The following PHF8 variants were observed in gnomAD, a reference collection of about 807,000 sequenced individuals.
PHF8 encodes the protein PHD finger protein 8.
A neutral mutation model predicts 74.4 loss-of-function variants in PHF8; 9 were observed. The ratio of observed to expected loss-of-function variants is 0.12; its 90% CI spans 0.07 to 0.21. PHF8 has a LOEUF of 0.21. PHF8 is among the 10% of genes least tolerant of loss of function. The probability of loss-of-function intolerance (pLI) is 1.00; values close to 1 mark genes in which losing one functional copy is unlikely to be tolerated. For synonymous variants in PHF8, 311 were observed against 316.6 expected, an observed-to-expected ratio of 0.98 and a Z score of 0.19; for missense variants, 478 against 816.6, an observed-to-expected ratio of 0.59 and a Z score of 5.05.
intron 2 of PHF8, among the ~76,000 whole-genome samples, chrX:54,034,205 A>G (rs145788341): frequency 2.3e-4 from 26 of 111,900 alleles, no homozygotes; most frequent in African/African-American, 8.1e-4. Flanking sequence ...GGACTACAAC[A>G]AAAGACAAAC....
intron 2 of PHF8, among the ~76,000 whole-genome samples, chrX:54,035,977 G>A (rs2066446290): frequency 9.1e-6 from 1 of 109,713 alleles, no homozygotes; most frequent in Admixed American, 9.8e-5. Context: ...TGGGCGTGGT[G>A]GCACATGCCT....
chrX:53,970,584 T>C (rs2065277107), intron 18 of PHF8, among the ~76,000 whole-genome samples: 2 of 111,587 alleles, frequency 1.8e-5, no homozygotes, highest in African/African-American at 3.3e-5. Context: ...CCCATCAGTA[T>C]GCTGTCTTCA....
chrX:53,968,015 GACCT>G (rs1557093537), intron 18 of PHF8, among the ~76,000 whole-genome samples: 1 of 103,260 alleles, frequency 9.7e-6, no homozygotes, highest in Non-Finnish European at 1.9e-5. Flanking sequence ...GAAAACCAGA[GACCT>G]TTGTTCACTT....
chrX:53,939,324 C>T, intron 21 of PHF8, 78 bp from the exon 22 acceptor site: 1 of 794,147 alleles, frequency 1.3e-6, no homozygotes, highest in Non-Finnish European at 1.9e-6. Context: ...GCCCTCAGGC[C>T]ACCTCCCCTT....
At chrX:53,945,407 G>A (rs868946916) in intron 19 of PHF8, among the ~76,000 whole-genome samples, 29 of 109,002 alleles carry the variant, frequency 2.7e-4, no homozygotes, top group African/African-American at 9.3e-4. Context: ...CTGCTCAGGA[G>A]GCTGAGGCAT....
chrX:54,036,452 A>G (rs2066457256), intron 2 of PHF8, among the ~76,000 whole-genome samples: 1 of 107,751 alleles, frequency 9.3e-6, no homozygotes, highest in Non-Finnish European at 1.9e-5. Flanking sequence ...TTTCAAGGGG[A>G]ATTTAAAAAT....
chrX:53,944,731 A>G (rs781835576), intron 19 of PHF8, among the ~76,000 whole-genome samples: 5 of 112,347 alleles, frequency 4.5e-5, no homozygotes, highest in Non-Finnish European at 7.5e-5. Context: ...AAATAGAACA[A>G]TAAGCCAGGC....
chrX:53,981,703 C>A (rs2065482155), intron 18 of PHF8, among the ~76,000 whole-genome samples: 1 of 111,743 alleles, frequency 8.9e-6, no homozygotes, highest in African/African-American at 3.3e-5. Flanking sequence ...GGTACAAATG[C>A]CATTGGGCTC....
chrX:54,024,978 G>A (rs781982419), intron 2 of PHF8, among the ~76,000 whole-genome samples: 20 of 110,707 alleles, frequency 1.8e-4, no homozygotes, highest in Admixed American at 7.7e-4. Context: ...CTGGGTTCAC[G>A]CCATTCTCCT....
At chrX:53,956,840 T>A (rs1358159084) in intron 19 of PHF8, among the ~76,000 whole-genome samples, 2 of 111,195 alleles carry the variant, frequency 1.8e-5, no homozygotes, top group East Asian at 5.6e-4. Context: ...TAATAAAACA[T>A]AGAGGCTATG....
intron 20 of PHF8, chrX:53,942,770 T>C (rs1441022234): frequency 5.3e-6 from 4 of 753,209 alleles, no homozygotes; most frequent in Non-Finnish European, 6.3e-6. Context: ...TAGGGTATGA[T>C]TCTCAATGGG....
chrX:53,978,777 G>A (rs1004160140), intron 18 of PHF8, among the ~76,000 whole-genome samples: 3 of 97,431 alleles, frequency 3.1e-5, no homozygotes, highest in Non-Finnish European at 4.0e-5. Flanking sequence ...CAGCCCAGGC[G>A]ACAGTGCGAG....
intron 19 of PHF8, among the ~76,000 whole-genome samples, chrX:53,960,093 A>T (rs2065078460): frequency 9.2e-6 from 1 of 108,602 alleles, no homozygotes; most frequent in African/African-American, 3.3e-5. Flanking sequence ...TGTGTGTGTG[A>T]GAGACAGAGT....
intron 14 of PHF8, among the ~76,000 whole-genome samples, chrX:53,991,013 T>C (rs1276974161): frequency 1.8e-5 from 2 of 111,492 alleles, no homozygotes; most frequent in Admixed American, 9.6e-5. Flanking sequence ...TCTACGTATA[T>C]TATCTCATTT....
At chrX:53,965,543 G>A (rs1253864260) in intron 18 of PHF8, among the ~76,000 whole-genome samples, 3 of 112,198 alleles carry the variant, frequency 2.7e-5, no homozygotes, top group Non-Finnish European at 5.6e-5. Context: ...GGAGGCTGAG[G>A]CACGAGACTT....
intron 18 of PHF8, among the ~76,000 whole-genome samples, chrX:53,970,750 G>C (rs782622623): frequency 9.0e-6 from 1 of 111,127 alleles, no homozygotes; most frequent in African/African-American, 3.3e-5. Context: ...TGACAAAGAA[G>C]GGCATTACAT....
chrX:53,957,223 G>A (rs1464935119), intron 19 of PHF8, among the ~76,000 whole-genome samples: 2 of 109,790 alleles, frequency 1.8e-5, no homozygotes, highest in African/African-American at 3.3e-5. Flanking sequence ...GGGTGCGGTG[G>A]TGCGTGCCTG....
At chrX:53,946,779 A>T (rs1479472048) in intron 19 of PHF8, among the ~76,000 whole-genome samples, 1 of 112,311 alleles carries the variant, frequency 8.9e-6, no homozygotes, top group East Asian at 2.8e-4. Context: ...TTATCAAATT[A>T]TTGTTAGTTT....
intron 19 of PHF8, among the ~76,000 whole-genome samples, chrX:53,945,654 C>T (rs190002171): frequency 6.3e-5 from 7 of 111,503 alleles, no homozygotes; most frequent in Non-Finnish European, 1.1e-4. Context: ...CTTCTCCAGA[C>T]GGATGGCTTC....
Sources: gnomAD v4.1 joint callset for allele counts (sites outside exome capture counted in the v4.1 genomes callset) on GRCh38, gnomAD v4.1.1 for gene constraint, MANE v1.5 for transcripts, NCBI Gene and HGNC (gene_info 2026-07-23, HGNC 2026-07-21) for gene names.